FMO1: variants seen among roughly 807,000 people sequenced by gnomAD.
FMO1 encodes flavin-containing monooxygenase 1.
Under a neutral mutation model 45.4 loss-of-function variants are expected in FMO1, and 36 were observed. That is an observed-to-expected ratio of 0.79 (90% CI 0.61 to 1.05). FMO1 has a LOEUF of 1.05. FMO1 is among the 50% of genes least tolerant of loss of function. The pLI, the probability that FMO1 is intolerant of heterozygous loss-of-function variation, is 0.00. For synonymous variants in FMO1, 228 were observed against 227.2 expected, an observed-to-expected ratio of 1.00 and a Z score of -0.03; for missense variants, 615 against 640.3, an observed-to-expected ratio of 0.96 and a Z score of 0.43.
At chr1:171,272,952 AT>A (rs1274619257) in intron 3 of FMO1, among the ~76,000 whole-genome samples, 1 of 152,082 alleles carries the variant, frequency 6.6e-6, no homozygotes, top group Non-Finnish European at 1.5e-5. Flanking sequence ...AGGACATGAG[AT>A]TTGGGATGGG....
intron 1 of FMO1, among the ~76,000 whole-genome samples, chr1:171,249,155 ATTCT>A (rs1659766111): frequency 1.3e-5 from 2 of 152,074 alleles, no homozygotes; most frequent in East Asian, 3.9e-4. Context: ...TTCGTGCTTC[ATTCT>A]ATGTATTATG....
chr1:171,263,824 C>T (rs28360370), intron 2 of FMO1, among the ~76,000 whole-genome samples: 2,176 of 152,212 alleles, frequency 0.014, 63 homozygotes, highest in African/African-American at 0.05. Context: ...GTATTGAAGG[C>T]TGGCAGGGCC....
intron 2 of FMO1, among the ~76,000 whole-genome samples, chr1:171,261,958 G>A (rs1230286159): frequency 2.6e-5 from 4 of 152,202 alleles, no homozygotes; most frequent in Non-Finnish European, 4.4e-5. Flanking sequence ...CCCAAGTAGA[G>A]GCTGGACATG....
chr1:171,265,417 G>GAAAAAAAAAAAAA (rs201401866), intron 2 of FMO1, among the ~76,000 whole-genome samples: 1 of 124,492 alleles, frequency 8.0e-6, no homozygotes, highest in Non-Finnish European at 1.8e-5. Flanking sequence ...AAAAGAAAAA[G>GAAAAAAAAAAAAA]AAAAAAAAAA....
intron 1 of FMO1, among the ~76,000 whole-genome samples, chr1:171,252,574 G>A (rs10912662): frequency 1.3e-3 from 192 of 152,342 alleles, no homozygotes; most frequent in African/African-American, 4.4e-3. Context: ...TTCCATGGCT[G>A]AGAGTCGGTG....
chr1:171,278,113 G>A (rs1223087996), intron 4 of FMO1, among the ~76,000 whole-genome samples: 5 of 152,106 alleles, frequency 3.3e-5, no homozygotes, highest in East Asian at 3.9e-4. Context: ...TTGAATCCTG[G>A]TGTAACTGAC....
At chr1:171,256,216 T>C (rs1246772694) in intron 1 of FMO1, among the ~76,000 whole-genome samples, 1 of 130,014 alleles carries the variant, frequency 7.7e-6, no homozygotes, top group Non-Finnish European at 1.6e-5. Context: ...GAGCTTGCAG[T>C]GAGCCGAGAT....
At chr1:171,265,926 C>T (rs375594675) in intron 2 of FMO1, among the ~76,000 whole-genome samples, 1 of 152,140 alleles carries the variant, frequency 6.6e-6, no homozygotes, top group Non-Finnish European at 1.5e-5. Context: ...ATTTTTAAAC[C>T]AGTCTCAGCA....
intron 8 of FMO1, among the ~76,000 whole-genome samples, chr1:171,284,187 AC>A (rs1292179351): frequency 9.3e-4 from 85 of 91,770 alleles, no homozygotes; most frequent in African/African-American, 7.6e-3. Context: ...AAAAAAAAAA[AC>A]AAAAAACAGC....
At chr1:171,282,824 G>A (rs1186960359) in intron 7 of FMO1, 1 of 287,868 alleles carries the variant, frequency 3.5e-6, no homozygotes, top group Admixed American at 5.4e-5. Flanking sequence ...TAACATTTCT[G>A]TCAGTTGACT....
intron 1 of FMO1, among the ~76,000 whole-genome samples, chr1:171,254,676 G>C (rs1215696146): frequency 6.6e-6 from 1 of 152,258 alleles, no homozygotes; most frequent in East Asian, 1.9e-4. Context: ...TTACTGTGGG[G>C]TCAGGCAGCT....
chr1:171,282,591 G>C (rs1217071249), intron 7 of FMO1: 1 of 351,872 alleles, frequency 2.8e-6, no homozygotes, highest in Admixed American at 4.2e-5. Flanking sequence ...CTGTATCTAT[G>C]TCAACTGTGA....
intron 1 of FMO1, among the ~76,000 whole-genome samples, chr1:171,254,837 A>G (rs993715111): frequency 6.6e-6 from 1 of 152,184 alleles, no homozygotes; most frequent in African/African-American, 2.4e-5. Flanking sequence ...CTACCAACCC[A>G]TTGTCAGAAT....
intron 2 of FMO1, among the ~76,000 whole-genome samples, chr1:171,265,075 G>T (rs1430540590): frequency 6.6e-6 from 1 of 152,068 alleles, no homozygotes; most frequent in Non-Finnish European, 1.5e-5. Context: ...CCAATTAATT[G>T]TAGACTGTTG....
intron 3 of FMO1, chr1:171,271,047 G>A: frequency 3.0e-6 from 3 of 1,005,430 alleles, no homozygotes; most frequent in South Asian, 2.7e-5. Flanking sequence ...TCTTTTTCTT[G>A]CTTTTTTCAG....
At chr1:171,265,821 T>C (rs1660595882) in intron 2 of FMO1, among the ~76,000 whole-genome samples, 2 of 152,240 alleles carry the variant, frequency 1.3e-5, no homozygotes, top group Non-Finnish European at 2.9e-5. Context: ...TTGCAGGGGA[T>C]AATGTGTATC....
At chr1:171,272,891 T>C (rs1392446824) in intron 3 of FMO1, among the ~76,000 whole-genome samples, 1 of 152,192 alleles carries the variant, frequency 6.6e-6, no homozygotes, top group Non-Finnish European at 1.5e-5. Flanking sequence ...TGAAATGAGT[T>C]AAGACCTTGG....
chr1:171,260,227 C>T lies in FMO1; in HGVS notation c.132+2008C>T, dbSNP rs1660320052. The stretch of plus-strand genomic sequence containing the variant: ...AGGGGTTTATACTCAGTTTTAAAAG[C>T]AATAGGTAATGAGGAACAAAATTAA... On this transcript the variant is annotated intron_variant, in intron 2 of 8. Transcript: ENST00000617670. Among the ~76,000 whole-genome samples the T allele has an allele frequency of 2.0e-5, 3 of 152,252 alleles. No individual in the cohort carries two copies. In the South Asian group the frequency reaches 6.2e-4, roughly 32 times the overall value.
At chr1:171,270,132 G>A (rs2101821012) in intron 3 of FMO1, among the ~76,000 whole-genome samples, 1 of 152,276 alleles carries the variant, frequency 6.6e-6, no homozygotes, top group East Asian at 1.9e-4. Context: ...TTAAAGAATA[G>A]AGTCCTCATG....
Sources: allele counts gnomAD v4.1 joint callset (sites outside exome capture counted in the v4.1 genomes callset), GRCh38; gene constraint gnomAD v4.1.1; transcripts MANE v1.5; gene names NCBI Gene and HGNC (gene_info 2026-07-23, HGNC 2026-07-21).